ERBB4: variants seen among roughly 807,000 people sequenced by gnomAD.
ERBB4 encodes receptor tyrosine-protein kinase erbB-4.
Under a neutral mutation model 158.0 loss-of-function variants are expected in ERBB4, and 42 were observed. The observed-to-expected ratio is 0.27, with a 90% CI of 0.21 to 0.34. The LOEUF (loss-of-function observed/expected upper bound fraction) is 0.34. Among genes scored for constraint, ERBB4 ranks in the 10% least tolerant of loss-of-function variants. ERBB4 has a pLI of 1.00. For missense variants in ERBB4, 1,333 were observed against 1,624.1 expected (o/e 0.82, Z 3.08); for synonymous variants, 583 against 558.7 (o/e 1.04, Z -0.61).
At chr2:211,553,188 C>T (rs1165998227) in intron 20 of ERBB4, among the ~76,000 whole-genome samples, 1 of 152,030 alleles carries the variant, frequency 6.6e-6, no homozygotes. Flanking sequence ...AGGCTGGTCT[C>T]GAACTTCCGA....
chr2:212,458,023 C>G (rs1435546078), intron 1 of ERBB4, among the ~76,000 whole-genome samples: 1 of 151,760 alleles, frequency 6.6e-6, no homozygotes, highest in African/African-American at 2.4e-5. Flanking sequence ...ATTGTATGTT[C>G]TAATTTAATA....
chr2:211,718,898 G>A (rs890800896), intron 7 of ERBB4, among the ~76,000 whole-genome samples: 2 of 152,146 alleles, frequency 1.3e-5, no homozygotes, highest in African/African-American at 4.8e-5. Flanking sequence ...TGATTAAAAG[G>A]TTACGATACA....
chr2:212,313,538 CATATA>C (rs2087139703), intron 1 of ERBB4, among the ~76,000 whole-genome samples: 2 of 112,754 alleles, frequency 1.8e-5, no homozygotes, highest in African/African-American at 6.2e-5. Context: ...TTATTAATAT[CATATA>C]ATATGTATAC....
chr2:212,224,501 A>G (rs1322143728), intron 1 of ERBB4, among the ~76,000 whole-genome samples: 1 of 152,020 alleles, frequency 6.6e-6, no homozygotes, highest in Non-Finnish European at 1.5e-5. Context: ...CCAGCTGAGC[A>G]AAAAAGGGAA....
chr2:212,192,090 TTA>T (rs2082286425), intron 1 of ERBB4, among the ~76,000 whole-genome samples: 1 of 132,072 alleles, frequency 7.6e-6, no homozygotes, highest in Admixed American at 7.9e-5. Context: ...ATTATATATA[TTA>T]TATAAGTTAT....
At chr2:211,463,164 T>C (rs1203129912) in intron 20 of ERBB4, among the ~76,000 whole-genome samples, 1 of 152,168 alleles carries the variant, frequency 6.6e-6, no homozygotes, top group Non-Finnish European at 1.5e-5. Context: ...ATAATAATTC[T>C]GTGACTGAAA....
intron 3 of ERBB4, among the ~76,000 whole-genome samples, chr2:211,939,979 A>ATG (rs2080444797): frequency 6.7e-6 from 1 of 149,118 alleles, no homozygotes; most frequent in Admixed American, 6.7e-5. Context: ...ATATATATAT[A>ATG]TGTATATAGA....
At chr2:211,832,258 G>A (rs2077238533) in intron 3 of ERBB4, among the ~76,000 whole-genome samples, 1 of 152,046 alleles carries the variant, frequency 6.6e-6, no homozygotes, top group African/African-American at 2.4e-5. Context: ...AAAAAAAGTT[G>A]ATTATTATGA....
intron 2 of ERBB4, among the ~76,000 whole-genome samples, chr2:212,096,006 C>T (rs770309176): frequency 6.8e-6 from 1 of 147,246 alleles, no homozygotes; most frequent in Non-Finnish European, 1.5e-5. Flanking sequence ...AATTTCCCAA[C>T]GAGAACCCAG....
chr2:212,018,617 A>C (rs528099253), intron 2 of ERBB4, among the ~76,000 whole-genome samples: 2 of 152,314 alleles, frequency 1.3e-5, no homozygotes, highest in African/African-American at 4.8e-5. Flanking sequence ...AGGTATAGAG[A>C]AATGCATTTA....
intron 3 of ERBB4, among the ~76,000 whole-genome samples, chr2:211,879,363 A>T (rs1434456757): frequency 6.6e-6 from 1 of 152,194 alleles, no homozygotes; most frequent in Non-Finnish European, 1.5e-5. Context: ...AAATATATAA[A>T]TAGGGAGTTC....
At chr2:212,183,198 T>C (rs1265577155) in intron 1 of ERBB4, among the ~76,000 whole-genome samples, 1 of 151,920 alleles carries the variant, frequency 6.6e-6, no homozygotes, top group Non-Finnish European at 1.5e-5. Context: ...GAATACACCC[T>C]AAAGCTCTGA....
chr2:211,939,722 C>T (rs974945595), intron 3 of ERBB4, among the ~76,000 whole-genome samples: 6 of 152,026 alleles, frequency 3.9e-5, no homozygotes. Context: ...CCGAGGCGGG[C>T]GGATCACGAG....
intron 1 of ERBB4, among the ~76,000 whole-genome samples, chr2:212,158,234 A>C (rs1349940515): frequency 2.0e-5 from 3 of 151,970 alleles, no homozygotes; most frequent in Non-Finnish European, 4.4e-5. Context: ...TGAACCACAA[A>C]TGGTCAGATG....
intron 20 of ERBB4, among the ~76,000 whole-genome samples, chr2:211,514,362 T>C (rs570416196): frequency 1.3e-5 from 2 of 152,298 alleles, no homozygotes; most frequent in East Asian, 1.9e-4. Context: ...GAGCCTCCTC[T>C]AATTCAGCCA....
chr2:212,415,669 T>A (rs778261106), intron 1 of ERBB4, among the ~76,000 whole-genome samples: 4 of 152,106 alleles, frequency 2.6e-5, no homozygotes, highest in African/African-American at 4.8e-5. Flanking sequence ...ATTGATATAC[T>A]ATAATATTTT....
chr2:212,002,117 T>C (rs1157497799), intron 2 of ERBB4, among the ~76,000 whole-genome samples: 1 of 152,152 alleles, frequency 6.6e-6, no homozygotes, highest in African/African-American at 2.4e-5. Context: ...CAATGTTCAC[T>C]TTCCCACTTC....
At chr2:211,925,580 G>A (rs1170294813) in intron 3 of ERBB4, among the ~76,000 whole-genome samples, 1 of 151,592 alleles carries the variant, frequency 6.6e-6, no homozygotes, top group Non-Finnish European at 1.5e-5. Context: ...ACAGGGTTTT[G>A]CCATATTGTC....
At chr2:211,898,610 C>G (rs2079156655) in intron 3 of ERBB4, among the ~76,000 whole-genome samples, 1 of 152,116 alleles carries the variant, frequency 6.6e-6, no homozygotes, top group South Asian at 2.1e-4. Flanking sequence ...GACACAGTGA[C>G]TTAAAAATCC....
Sources: allele counts gnomAD v4.1 joint callset (sites outside exome capture counted in the v4.1 genomes callset), GRCh38; gene constraint gnomAD v4.1.1; transcripts MANE v1.5; gene names NCBI Gene and HGNC (gene_info 2026-07-23, HGNC 2026-07-21).